SETBP1: variants seen among roughly 807,000 people sequenced by gnomAD.
The protein encoded by SETBP1 is SET-binding protein.
SETBP1 carries 9 observed loss-of-function variants against 101.0 expected under a neutral mutation model. The observed-to-expected ratio is 0.09, with a 90% CI of 0.05 to 0.16. The LOEUF is 0.16. Among genes scored for constraint, SETBP1 ranks in the 10% least tolerant of loss-of-function variants. SETBP1 has a pLI of 1.00. For missense variants in SETBP1, 1,858 were observed against 2,033.8 expected, an observed-to-expected ratio of 0.91 and a Z score of 1.66; for synonymous variants, 818 against 788.5, an observed-to-expected ratio of 1.04 and a Z score of -0.63.
intron 4 of SETBP1, among the ~76,000 whole-genome samples, chr18:45,029,113 T>A (rs1007112533): frequency 6.6e-6 from 1 of 152,222 alleles, no homozygotes; most frequent in Non-Finnish European, 1.5e-5. Context: ...TGGTAATGCC[T>A]AGGTTTTCTT....
chr18:44,811,785 G>C (rs1248816020), intron 2 of SETBP1, among the ~76,000 whole-genome samples: 1 of 152,200 alleles, frequency 6.6e-6, no homozygotes, highest in Non-Finnish European at 1.5e-5. Flanking sequence ...CCATGGCTCT[G>C]GGTATGCAAA....
Position 44,804,836 on chromosome 18 carries a change from C to T in SETBP1, c.487-64394C>T, listed in dbSNP as rs116558000. The stretch of plus-strand genomic sequence containing the variant: ...CTGATAGAGCTTGCATCGTTTCTTA[C>T]ACTCTCATGGTTTTTTTCTCCGGAT... On this transcript the variant is annotated intron_variant, in intron 2 of 5. Transcript: ENST00000649279. Among the ~76,000 whole-genome samples, 386 of 152,172 alleles carry T rather than the reference C, an allele frequency of 2.5e-3. 4 individuals carry two copies. Among genetic ancestry groups the T allele is most frequent in the African/African-American group, 8.7e-3 (361 of 41,518 alleles).
intron 2 of SETBP1, among the ~76,000 whole-genome samples, chr18:44,705,619 A>T (rs2144228241): frequency 6.6e-6 from 1 of 152,246 alleles, no homozygotes; most frequent in East Asian, 1.9e-4. Context: ...CTTATATGGG[A>T]TCCCAAATGA....
At chr18:44,689,527 G>T (rs1362729973) in intron 1 of SETBP1, among the ~76,000 whole-genome samples, 2 of 152,284 alleles carry the variant, frequency 1.3e-5, no homozygotes, top group East Asian at 3.9e-4. Context: ...GACTCTGATG[G>T]GTGCCATGGG....
At chr18:44,830,421 T>C (rs1021449828) in intron 2 of SETBP1, among the ~76,000 whole-genome samples, 1 of 152,232 alleles carries the variant, frequency 6.6e-6, no homozygotes, top group Non-Finnish European at 1.5e-5. Flanking sequence ...TCAAAGGCTC[T>C]TTCCAGAATG....
intron 2 of SETBP1, among the ~76,000 whole-genome samples, chr18:44,808,496 G>T (rs2071794788): frequency 6.6e-6 from 1 of 152,154 alleles, no homozygotes; most frequent in African/African-American, 2.4e-5. Flanking sequence ...GACCTGAGGT[G>T]GGCTGAGAAG....
chr18:44,717,024 C>T (rs766477286), intron 2 of SETBP1, among the ~76,000 whole-genome samples: 59 of 152,216 alleles, frequency 3.9e-4, no homozygotes, highest in African/African-American at 1.0e-3. Context: ...TCCCCACAAC[C>T]GCAATGTGAT....
chr18:44,935,295 A>G (rs989795641), intron 3 of SETBP1, among the ~76,000 whole-genome samples: 5 of 152,224 alleles, frequency 3.3e-5, no homozygotes, highest in African/African-American at 1.2e-4. Context: ...TTTAGCCCTA[A>G]TGGCAAAAAA....
intron 2 of SETBP1, among the ~76,000 whole-genome samples, chr18:44,712,953 C>CTTTTTT (rs11323504): frequency 1.5e-5 from 1 of 64,898 alleles, no homozygotes. Context: ...CAGCATCCCT[C>CTTTTTT]TTTTTTTTTT....
At chr18:45,058,392 T>C (rs568818203) in intron 5 of SETBP1, among the ~76,000 whole-genome samples, 1 of 152,342 alleles carries the variant, frequency 6.6e-6, no homozygotes, top group Admixed American at 6.5e-5. Context: ...ACTAAGATTT[T>C]AGAATTATTC....
chr18:44,993,849 A>G (rs2145299101), intron 4 of SETBP1, among the ~76,000 whole-genome samples: 1 of 152,204 alleles, frequency 6.6e-6, no homozygotes, highest in African/African-American at 2.4e-5. Flanking sequence ...TTACCCTACC[A>G]CATATTAAAA....
At chr18:45,054,255 T>G (rs993671359) in intron 5 of SETBP1, among the ~76,000 whole-genome samples, 6 of 152,108 alleles carry the variant, frequency 3.9e-5, no homozygotes, top group Non-Finnish European at 8.8e-5. Context: ...TGGCACAATC[T>G]TGGCTCACTG....
intron 3 of SETBP1, among the ~76,000 whole-genome samples, chr18:44,926,020 G>T (rs1010538565): frequency 6.6e-6 from 1 of 152,158 alleles, no homozygotes; most frequent in Non-Finnish European, 1.5e-5. Flanking sequence ...TACAGTGAGG[G>T]TAAGGCAAGG....
At chr18:44,954,440 G>T (rs997698524) in intron 4 of SETBP1, among the ~76,000 whole-genome samples, 1 of 151,364 alleles carries the variant, frequency 6.6e-6, no homozygotes. Context: ...CATGTTTAAG[G>T]TTTGGTGTAG....
intron 2 of SETBP1, among the ~76,000 whole-genome samples, chr18:44,864,687 C>T (rs138821679): frequency 1.3e-3 from 201 of 152,262 alleles, no homozygotes; most frequent in Non-Finnish European, 2.5e-3. Context: ...TGTCTGCCCT[C>T]TGCACCCCGC....
chr18:44,702,728 A>C (rs1161660498), intron 2 of SETBP1, among the ~76,000 whole-genome samples: 2 of 152,240 alleles, frequency 1.3e-5, no homozygotes, highest in Non-Finnish European at 2.9e-5. Flanking sequence ...CTGACTAAGG[A>C]AACCCAGTCT....
chr18:44,939,925 T>C (rs1175705855), intron 3 of SETBP1, among the ~76,000 whole-genome samples: 1 of 152,234 alleles, frequency 6.6e-6, no homozygotes, highest in Non-Finnish European at 1.5e-5. Context: ...ATAGTACAGA[T>C]GAAACCTCTG....
chr18:44,789,087 GC>G (rs1271506211), intron 2 of SETBP1, among the ~76,000 whole-genome samples: 2 of 152,116 alleles, frequency 1.3e-5, no homozygotes, highest in Non-Finnish European at 2.9e-5. Context: ...ACAAGTGTGA[GC>G]CACCGCACCC....
intron 2 of SETBP1, among the ~76,000 whole-genome samples, chr18:44,766,026 T>G (rs2070757599): frequency 6.6e-6 from 1 of 152,222 alleles, no homozygotes; most frequent in Admixed American, 6.5e-5. Context: ...CTGCCAGTGC[T>G]TGGATCTTGA....
Sources: allele counts gnomAD v4.1 joint callset (sites outside exome capture counted in the v4.1 genomes callset), GRCh38; gene constraint gnomAD v4.1.1; transcripts MANE v1.5; gene names NCBI Gene and HGNC (gene_info 2026-07-23, HGNC 2026-07-21).